Variants in TAPT1 observed in about 807,000 individuals in gnomAD.
TAPT1 encodes transmembrane anterior posterior transformation protein 1 homolog.
In TAPT1, 28 loss-of-function variants were observed where a neutral mutation model predicts 65.6. That is an observed-to-expected ratio of 0.43 (90% CI 0.32 to 0.59). The LOEUF (loss-of-function observed/expected upper bound fraction) is 0.59, where lower values mean the gene tolerates loss of function less well. Ranked by LOEUF, TAPT1 falls within the 20% of genes least tolerant of loss-of-function variation. The pLI is 0.09. For synonymous variants in TAPT1, 278 were observed against 245.2 expected, an observed-to-expected ratio of 1.13 and a Z score of -1.25; for missense variants, 563 against 679.9, an observed-to-expected ratio of 0.83 and a Z score of 1.91.
intron 2 of TAPT1, among the ~76,000 whole-genome samples, chr4:16,203,016 A>G (rs1421371261): frequency 1.3e-5 from 2 of 152,224 alleles, no homozygotes; most frequent in Non-Finnish European, 2.9e-5. Flanking sequence ...ACACAATTTC[A>G]TGTGCACTGA....
At chr4:16,218,281 T>C (rs1227713977) in intron 1 of TAPT1, among the ~76,000 whole-genome samples, 2 of 152,126 alleles carry the variant, frequency 1.3e-5, no homozygotes, top group Non-Finnish European at 2.9e-5. Flanking sequence ...GGCAGGTGCC[T>C]GTAATCCCAG....
chr4:16,194,868 T>TCCTCCTCCTCC (rs1560172300), intron 3 of TAPT1, among the ~76,000 whole-genome samples: 6 of 33,230 alleles, frequency 1.8e-4, no homozygotes, highest in African/African-American at 3.1e-4. Context: ...TGTCTTCTTC[T>TCCTCCTCCTCC]TCTTCTTCTT....
rs76912469 is a variant in TAPT1 at position 16,219,552 on chromosome 4, A to G, written c.200-5654T>C. Among the ~76,000 whole-genome samples the G allele has an allele frequency of 6.9e-3, 1,048 of 152,342 alleles. 13 individuals are homozygous for G. Among genetic ancestry groups the G allele is most frequent in the African/African-American group, 0.024 (988 of 41,574 alleles). On this transcript the variant is annotated intron_variant, in intron 1 of 13. Transcript: ENST00000405303. ...ATGGTTTTAAATGATACACTAAAGAAATACTAACCACAACAACAAAGTTTC... is the reference window on the plus strand; with the variant it reads ...ATGGTTTTAAATGATACACTAAAGAGATACTAACCACAACAACAAAGTTTC...
At chr4:16,167,438 C>T (rs1165200969) in intron 12 of TAPT1, among the ~76,000 whole-genome samples, 4 of 152,150 alleles carry the variant, frequency 2.6e-5, no homozygotes, top group Admixed American at 2.6e-4. Flanking sequence ...TGATTCCACA[C>T]CCTTATGATA....
intron 3 of TAPT1, 112 bp downstream of exon 3, chr4:16,202,350 A>C: frequency 3.4e-6 from 2 of 594,876 alleles, no homozygotes; most frequent in Non-Finnish European, 5.9e-6. Flanking sequence ...TTATGCATGA[A>C]GGGCCAAAGT....
In TAPT1 at chr4:16,226,427, C is replaced by T. The variant is rs1343254084; in HGVS notation, c.31G>A (p.Gly11Arg). MAGVGDAAAPGEGGGGGVDGP... is the reference protein window; with the variant it reads MAGVGDAAAPREGGGGGVDGP... Reference sequence around the variant, plus strand: ...TCCACGCCGCCACCGCCGCCTTCTCCCGGAGCGGCCGCGTCGCCGACGCCC... The same window carrying T: ...TCCACGCCGCCACCGCCGCCTTCTCTCGGAGCGGCCGCGTCGCCGACGCCC... Residue 11 changes from glycine to arginine, a missense_variant, in exon 1 of 14, where the codon GGA (glycine) becomes AGA (arginine). Physicochemically the swap from Gly to Arg is moderately radical, Grantham distance 125. Around this residue, in one of 5 missense-constraint regions of TAPT1, gnomAD observed 103 missense variants for 89.4 expected, o/e 1.15. Coordinates refer to ENST00000405303, the MANE Select transcript of TAPT1 (RefSeq NM_153365.3). 3 of 1,080,510 alleles carry T rather than the reference C, an allele frequency of 2.8e-6. No homozygotes were observed. Among genetic ancestry groups the T allele is most frequent in the African/African-American group, 1.7e-5 (1 of 58,964 alleles). 66.9% of individuals were successfully genotyped at this position (1,080,510 alleles called of 1,614,324 possible). A position where few individuals can be genotyped will look rare whatever the true frequency, so the allele number is the denominator to read the frequency against.
chr4:16,186,934 ACTATAAAATTT>A, intron 5 of TAPT1, 56 bp from the exon 6 acceptor site: 23 of 967,860 alleles, frequency 2.4e-5, no homozygotes, highest in Non-Finnish European at 3.5e-5. Context: ...TACTGATAAT[ACTATAAAATTT>A]TGAAAGTGAA....
At chr4:16,224,331 T>C (rs181278303) in intron 1 of TAPT1, among the ~76,000 whole-genome samples, 79 of 152,270 alleles carry the variant, frequency 5.2e-4, no homozygotes, top group African/African-American at 1.8e-3. Flanking sequence ...CTAAAATAAT[T>C]GTTTCTAGTG....
chr4:16,204,141 G>A (rs1750200645), intron 2 of TAPT1, among the ~76,000 whole-genome samples: 2 of 152,230 alleles, frequency 1.3e-5, no homozygotes, highest in Non-Finnish European at 2.9e-5. Context: ...GTCCTTGCGA[G>A]TGGACTGCTG....
At chr4:16,196,282 A>G (rs1749702624) in intron 3 of TAPT1, among the ~76,000 whole-genome samples, 1 of 152,230 alleles carries the variant, frequency 6.6e-6, no homozygotes, top group Non-Finnish European at 1.5e-5. Context: ...ATACTGAAAA[A>G]AATAACTTAT....
intron 8 of TAPT1, among the ~76,000 whole-genome samples, chr4:16,178,130 A>T (rs928786144): frequency 2.0e-5 from 3 of 152,168 alleles, no homozygotes; most frequent in Non-Finnish European, 4.4e-5. Context: ...CTTCATGGAC[A>T]CCCTGTTAGG....
intron 2 of TAPT1, among the ~76,000 whole-genome samples, chr4:16,202,838 C>T (rs1037077656): frequency 3.3e-5 from 5 of 152,116 alleles, no homozygotes; most frequent in African/African-American, 4.8e-5. Flanking sequence ...TCATCTGATG[C>T]GGCTTTCTGA....
At chr4:16,220,747 C>CAA (rs1265447676) in intron 1 of TAPT1, among the ~76,000 whole-genome samples, 59 of 102,556 alleles carry the variant, frequency 5.8e-4, no homozygotes, top group African/African-American at 1.7e-3. Context: ...GACTCTATCT[C>CAA]AAAAAAAAAA....
intron 1 of TAPT1, among the ~76,000 whole-genome samples, chr4:16,215,240 G>A (rs1240563369): frequency 2.6e-5 from 4 of 152,062 alleles, no homozygotes; most frequent in Non-Finnish European, 2.9e-5. Flanking sequence ...GCAGTAAGCC[G>A]AGATCACGCC....
At chr4:16,171,258 T>C (rs1747972757) in intron 11 of TAPT1, among the ~76,000 whole-genome samples, 1 of 152,252 alleles carries the variant, frequency 6.6e-6, no homozygotes, top group African/African-American at 2.4e-5. Flanking sequence ...CTTAAAAGTT[T>C]TGTATTTAGA....
chr4:16,203,197 T>C (rs1750140488), intron 2 of TAPT1, among the ~76,000 whole-genome samples: 2 of 152,202 alleles, frequency 1.3e-5, no homozygotes, highest in Admixed American at 1.3e-4. Context: ...GTGAAGTCTT[T>C]CGAGGACTTG....
At chr4:16,174,567 T>G in intron 10 of TAPT1, 103 bp downstream of exon 10, 2 of 1,075,064 alleles carry the variant, frequency 1.9e-6, no homozygotes, top group South Asian at 3.3e-5. Flanking sequence ...GCAGTTTATG[T>G]AGCTTTCCTT....
rs547143367 is a variant in TAPT1, at chr4:16,220,753, A to G, written c.199+5506T>C. On this transcript the variant is annotated intron_variant, in intron 1 of 13. Coordinates refer to ENST00000405303, the MANE Select transcript of TAPT1 (RefSeq NM_153365.3). Reference sequence around the variant, plus strand: ...ACAGAGCGAGACTCTATCTCAAAAAAAAAAAAAAAGAAACATTTTACTATT... The same window carrying G: ...ACAGAGCGAGACTCTATCTCAAAAAGAAAAAAAAAGAAACATTTTACTATT... Among the ~76,000 whole-genome samples, 6 of 152,254 alleles carry G rather than the reference A, an allele frequency of 3.9e-5. 1 individual carries two copies. In the South Asian group the frequency reaches 1.2e-3, roughly 32 times the overall value.
chr4:16,193,642 A>T (rs1033770191), intron 3 of TAPT1, among the ~76,000 whole-genome samples: 2 of 152,184 alleles, frequency 1.3e-5, no homozygotes, highest in Non-Finnish European at 2.9e-5. Context: ...TCACTTAAAC[A>T]TATTTCTCAT....
Sources: gnomAD v4.1 joint callset for allele counts (sites outside exome capture counted in the v4.1 genomes callset) on GRCh38, gnomAD v4.1.1 for gene constraint, gnomAD v4.1.1 regional missense constraint, MANE v1.5 for transcripts, NCBI Gene and HGNC (gene_info 2026-07-23, HGNC 2026-07-21) for gene names.